Variants in PCDHGA2 observed in about 807,000 individuals in gnomAD.
PCDHGA2 encodes protocadherin gamma-A2.
A neutral mutation model predicts 59.2 loss-of-function variants in PCDHGA2; 40 were observed. The ratio of observed to expected loss-of-function variants is 0.68; its 90% confidence interval spans 0.52 to 0.88. The LOEUF (loss-of-function observed/expected upper bound fraction) is 0.88. Ranked by LOEUF, PCDHGA2 falls within the 40% of genes least tolerant of loss-of-function variation. The probability of loss-of-function intolerance (pLI) is 0.00; values close to 1 mark genes in which losing one functional copy is unlikely to be tolerated. For synonymous variants in PCDHGA2, 560 were observed against 526.0 expected, an observed-to-expected ratio of 1.06 and a Z score of -0.89; for missense variants, 1,226 against 1,204.0, an observed-to-expected ratio of 1.02 and a Z score of -0.27.
chr5:141,339,396 T>C lies in PCDHGA2; in HGVS notation c.425T>C (p.Ile142Thr), dbSNP rs148517928. ...RFGVEELELK[I>T]SETTTPGFRI... ...GGAGTAGAGGAACTGGAGCTAAAAA[T>C]CAGTGAAACCACTACGCCAGGATTC... The change falls in exon 1 of 4, where the codon ATC becomes ACC. Residue 142 changes from isoleucine (I) to threonine (T), a missense_variant. Physicochemically the swap from Ile to Thr is moderately conservative, Grantham distance 89. Transcript: ENST00000394576. 2.5e-6 allele frequency: 4 copies of C among 1,614,076 alleles called. No individual in the cohort carries two copies. The highest frequency in any genetic ancestry group is 3.4e-6 in the Non-Finnish European group (4 of 1,180,026).
In PCDHGA2 at chr5:141,476,240, G is replaced by A. The variant is rs762604058; in HGVS notation, c.2425-18567G>A. On this transcript the variant is annotated intron_variant, in intron 1 of 3. Coordinates refer to ENST00000394576, the MANE Select transcript of PCDHGA2 (RefSeq NM_018915.4). This position sits in a 1 kb window ranked among gnomAD's most constrained non-coding sequence, Gnocchi z 7.6. ...TCACTATGAGATCCCGGAGGAAAGAGAGAAGGGTTTCGCTGTGGGCAACGT... is the reference window on the plus strand; with the variant it reads ...TCACTATGAGATCCCGGAGGAAAGAAAGAAGGGTTTCGCTGTGGGCAACGT... The A allele has an allele frequency of 4.3e-6, 7 of 1,613,986 alleles. No individual in the cohort carries two copies. The highest frequency in any genetic ancestry group is 1.7e-6 in the Non-Finnish European group (2 of 1,180,030).
At chr5:141,420,284 TA>T in intron 1 of PCDHGA2, 2 of 1,505,934 alleles carry the variant, frequency 1.3e-6, no homozygotes, top group East Asian at 2.3e-5. Context: ...GGTAAGTATT[TA>T]AAAATGTATT....
At chr5:141,455,160 GT>G (rs59530096) in intron 1 of PCDHGA2, among the ~76,000 whole-genome samples, 102 of 149,212 alleles carry the variant, frequency 6.8e-4, no homozygotes, top group East Asian at 7.9e-4. Flanking sequence ...TAGTTTGTTG[GT>G]TTTTTTTTTA....
intron 1 of PCDHGA2, chr5:141,423,244 C>T: frequency 1.2e-6 from 2 of 1,613,984 alleles, no homozygotes; most frequent in Non-Finnish European, 1.7e-6. Context: ...CCCCGAAGTC[C>T]TGGCGGACCT....
At chr5:141,345,931 T>A (rs761472035) in intron 1 of PCDHGA2, 1 of 1,613,516 alleles carries the variant, frequency 6.2e-7, no homozygotes, top group Non-Finnish European at 8.5e-7. Flanking sequence ...CGAGCCCTGC[T>A]GGACAGAGAC....
At chr5:141,362,492 C>T (rs369530205) in intron 1 of PCDHGA2, 4 of 1,613,902 alleles carry the variant, frequency 2.5e-6, no homozygotes, top group East Asian at 2.2e-5. Flanking sequence ...GACAATGCCT[C>T]TTGGGAACAA....
Position 141,432,538 on chromosome 5 carries a change from G to T in PCDHGA2, c.2425-62269G>T, listed in dbSNP as rs200601557. 1 of 1,613,908 alleles carries T rather than the reference G, an allele frequency of 6.2e-7. No individual in the cohort carries two copies. Among genetic ancestry groups the T allele is most frequent in the African/African-American group, 1.3e-5 (1 of 74,936 alleles). Reference sequence around the variant, plus strand: ...GCTACCTGGTGACCAAGGTGGTGGCGGTGGACAGAGACTCCGGCCAGAACG... The same window carrying T: ...GCTACCTGGTGACCAAGGTGGTGGCTGTGGACAGAGACTCCGGCCAGAACG... On this transcript the variant is annotated intron_variant, in intron 1 of 3. Coordinates refer to ENST00000394576, the MANE Select transcript of PCDHGA2 (RefSeq NM_018915.4). This position sits in a 1 kb window ranked among gnomAD's most constrained non-coding sequence, Gnocchi z 6.0.
intron 1 of PCDHGA2, chr5:141,422,639 C>T (rs777330051): frequency 3.7e-6 from 6 of 1,612,780 alleles, no homozygotes; most frequent in South Asian, 2.2e-5. Flanking sequence ...AGGGGTGCCT[C>T]CATCTTCTCA....
rs2099427641 is a variant in PCDHGA2, at chr5:141,477,974, G to T, written c.2425-16833G>T. The T allele has an allele frequency of 1.2e-6, 2 of 1,614,034 alleles. No homozygotes were observed. The highest frequency in any genetic ancestry group is 1.6e-4 in the Middle Eastern group (1 of 6,062). On this transcript the variant is annotated intron_variant, in intron 1 of 3. Transcript: ENST00000394576. This position sits in a 1 kb window ranked among gnomAD's most constrained non-coding sequence, Gnocchi z 4.9. ...GGGATCCCCTAACCAGAGCCTTTTT[G>T]CCATAGGGCTGCACACTGGTCAAAT...
intron 1 of PCDHGA2, chr5:141,441,671 C>A (rs1027440120): frequency 7.0e-6 from 2 of 287,530 alleles, no homozygotes; most frequent in South Asian, 2.9e-5. Flanking sequence ...GCGCACAGTG[C>A]GCCTTCGACC....
chr5:141,424,556 G>C (rs2096828013), intron 1 of PCDHGA2: 1 of 152,128 alleles, frequency 6.6e-6, no homozygotes, highest in South Asian at 2.1e-4. Context: ...TTGATTCAGT[G>C]CTTCTCAAAA....
chr5:141,491,493 G>A lies in PCDHGA2; in HGVS notation c.2425-3314G>A, dbSNP rs1008591563. On this transcript the variant is annotated intron_variant, in intron 1 of 3. Transcript: ENST00000394576. This position sits in a 1 kb window ranked among gnomAD's most constrained non-coding sequence, Gnocchi z 6.9. ...AGCAGTCCAGCCCCAACCTGCAGGT[G>A]AGCTCGGACGGCACGCTCAAGTACA... 6.2e-7 allele frequency: 1 copy of A among 1,614,000 alleles called. No homozygotes were observed. Among genetic ancestry groups the A allele is most frequent in the African/African-American group, 1.3e-5 (1 of 74,928 alleles).
At chr5:141,342,564 G>A (rs1036748014) in intron 1 of PCDHGA2, 1 of 152,190 alleles carries the variant, frequency 6.6e-6, no homozygotes, top group Non-Finnish European at 1.5e-5. Context: ...CTGAGACAAG[G>A]TGTTGTTTTG....
chr5:141,499,275 C>T (rs1259707742), intron 2 of PCDHGA2, among the ~76,000 whole-genome samples: 1 of 152,178 alleles, frequency 6.6e-6, no homozygotes, highest in African/African-American at 2.4e-5. Flanking sequence ...CTAGACTGTT[C>T]TCTGATGGCT....
chr5:141,349,868 G>A (rs1369681606), intron 1 of PCDHGA2, among the ~76,000 whole-genome samples: 1 of 152,122 alleles, frequency 6.6e-6, no homozygotes, highest in Admixed American at 6.6e-5. Context: ...AATACGAAAT[G>A]ATGAAGGCCC....
chr5:141,374,318 C>G (rs773144400), intron 1 of PCDHGA2: 2 of 1,613,996 alleles, frequency 1.2e-6, no homozygotes, highest in South Asian at 2.2e-5. Flanking sequence ...CTCTCTGAAT[C>G]CGCGAAACGG....
At chr5:141,422,963 C>A (rs372620011) in intron 1 of PCDHGA2, 1 of 1,614,120 alleles carries the variant, frequency 6.2e-7, no homozygotes, top group Non-Finnish European at 8.5e-7. Flanking sequence ...GTGGAGCTGG[C>A]GCCCCGCTCT....
chr5:141,400,221 C>T (rs377228541), intron 1 of PCDHGA2: 36 of 1,614,060 alleles, frequency 2.2e-5, no homozygotes, highest in Admixed American at 6.7e-5. Flanking sequence ...TCTCAGTGCT[C>T]TTCCTCCTGG....
At chr5:141,380,084 G>C (rs1452303755) in intron 1 of PCDHGA2, among the ~76,000 whole-genome samples, 1 of 151,830 alleles carries the variant, frequency 6.6e-6, no homozygotes, top group Non-Finnish European at 1.5e-5. Flanking sequence ...ACTTTTAGTA[G>C]AGATGGGGTT....
Sources: allele counts gnomAD v4.1 joint callset (sites outside exome capture counted in the v4.1 genomes callset), GRCh38; gene constraint gnomAD v4.1.1; non-coding constraint Gnocchi (gnomAD v3.1); transcripts MANE v1.5; gene names NCBI Gene and HGNC (gene_info 2026-07-23, HGNC 2026-07-21).